The following MB21D2 variants were observed in gnomAD, a reference collection of about 807,000 sequenced individuals.
MB21D2 encodes Mab-21 domain containing 2, also known as nucleotidyltransferase MB21D2.
MB21D2 carries 9 observed loss-of-function variants against 33.3 expected under a neutral mutation model. The ratio of observed to expected loss-of-function variants is 0.27; its 90% CI spans 0.16 to 0.47. The LOEUF (loss-of-function observed/expected upper bound fraction) is 0.47, where lower values mean the gene tolerates loss of function less well. Among genes scored for constraint, MB21D2 ranks in the 20% least tolerant of loss-of-function variants. The pLI is 0.99. For missense variants in MB21D2, 540 were observed against 624.6 expected (o/e 0.86, Z 1.44); for synonymous variants, 241 against 236.3 (o/e 1.02, Z -0.18).
At chr3:192,831,707 T>C (rs1486919268) in intron 1 of MB21D2, among the ~76,000 whole-genome samples, 1 of 152,140 alleles carries the variant, frequency 6.6e-6, no homozygotes, top group Non-Finnish European at 1.5e-5. Flanking sequence ...CTACTATTAT[T>C]AGGGATGTAC....
chr3:192,820,852 A>C (rs1712035270), intron 1 of MB21D2, among the ~76,000 whole-genome samples: 1 of 151,844 alleles, frequency 6.6e-6, no homozygotes, highest in Admixed American at 6.6e-5. Flanking sequence ...CCAGCCTCAA[A>C]CTCTTGGGCT....
intron 1 of MB21D2, among the ~76,000 whole-genome samples, chr3:192,808,975 C>A (rs1019012950): frequency 1.3e-5 from 2 of 152,040 alleles, no homozygotes; most frequent in Non-Finnish European, 2.9e-5. Flanking sequence ...CATCTCATGA[C>A]AAGGACTCTC....
Position 192,798,223 on chromosome 3 carries a change from C to T in MB21D2, c.*163G>A. On this transcript the variant is annotated 3_prime_UTR_variant, in exon 2 of 2. Coordinates refer to ENST00000392452, the MANE Select transcript of MB21D2 (RefSeq NM_178496.4). The surrounding 1 kb of genome is among the most constrained non-coding windows in gnomAD (Gnocchi z 4.8). ...AGGCAGAATATGAAATAGTAATATA[C>T]TGTTTCAGAGCCTGCACCATCCTGC... 1.4e-6 allele frequency: 1 copy of T among 697,160 alleles called. No individual in the cohort carries two copies. The highest frequency in any genetic ancestry group is 2.0e-5 in the South Asian group (1 of 50,688). The allele number at this position is 697,160 out of a possible 1,614,324, so 43.2% of individuals were successfully genotyped here.
chr3:192,875,622 T>C (rs888316828), intron 1 of MB21D2, among the ~76,000 whole-genome samples: 7 of 152,222 alleles, frequency 4.6e-5, no homozygotes, highest in African/African-American at 7.2e-5. Flanking sequence ...CAAATATGCA[T>C]TTATATATTT....
intron 1 of MB21D2, among the ~76,000 whole-genome samples, chr3:192,887,333 G>C (rs373883243): frequency 1.3e-5 from 2 of 152,128 alleles, no homozygotes; most frequent in South Asian, 4.1e-4. Context: ...AGTGAAAATG[G>C]TATGTTCAAA....
intron 1 of MB21D2, among the ~76,000 whole-genome samples, chr3:192,835,840 G>A (rs1712425181): frequency 6.7e-6 from 1 of 150,362 alleles, no homozygotes; most frequent in Non-Finnish European, 1.5e-5. Flanking sequence ...AGAAAGATTG[G>A]GGGAAAAAAA....
At chr3:192,859,594 T>C (rs900079410) in intron 1 of MB21D2, among the ~76,000 whole-genome samples, 3 of 151,846 alleles carry the variant, frequency 2.0e-5, no homozygotes, top group African/African-American at 7.3e-5. Context: ...TGAGCAATGA[T>C]CTGTGTGTTT....
chr3:192,866,961 G>A (rs1022723205), intron 1 of MB21D2, among the ~76,000 whole-genome samples: 1 of 152,164 alleles, frequency 6.6e-6, no homozygotes, highest in African/African-American at 2.4e-5. Flanking sequence ...GAAGGGAGAA[G>A]GAATGGGGAA....
intron 1 of MB21D2, among the ~76,000 whole-genome samples, chr3:192,910,129 C>T (rs188796349): frequency 5.3e-5 from 8 of 151,078 alleles, no homozygotes; most frequent in Admixed American, 3.3e-4. Context: ...GTAAAATCCT[C>T]GGAGGTCACC....
intron 1 of MB21D2, among the ~76,000 whole-genome samples, chr3:192,803,661 T>C (rs1303689227): frequency 6.6e-6 from 1 of 152,190 alleles, no homozygotes; most frequent in Non-Finnish European, 1.5e-5. Flanking sequence ...GCAGATGGGT[T>C]GCCATGCAAC....
intron 1 of MB21D2, among the ~76,000 whole-genome samples, chr3:192,881,341 T>A (rs1160331005): frequency 1.3e-5 from 2 of 152,084 alleles, no homozygotes; most frequent in Admixed American, 1.3e-4. Flanking sequence ...GGCTAATGAC[T>A]GACTGGTTGC....
intron 1 of MB21D2, among the ~76,000 whole-genome samples, chr3:192,805,634 A>G (rs1396934481): frequency 3.3e-5 from 5 of 152,232 alleles, no homozygotes; most frequent in African/African-American, 4.8e-5. Flanking sequence ...TGGACTCAAC[A>G]TAGGCTTGGG....
At chr3:192,828,360 C>T (rs1240606015) in intron 1 of MB21D2, among the ~76,000 whole-genome samples, 4 of 151,232 alleles carry the variant, frequency 2.6e-5, no homozygotes, top group Non-Finnish European at 4.4e-5. Context: ...CACTTGAGTC[C>T]TACCTGGAGT....
intron 1 of MB21D2, among the ~76,000 whole-genome samples, chr3:192,853,344 A>C (rs1417086557): frequency 6.6e-6 from 1 of 152,202 alleles, no homozygotes; most frequent in Non-Finnish European, 1.5e-5. Flanking sequence ...TTCCGTGACA[A>C]ATGGTTTTTC....
At chr3:192,851,032 T>C (rs1712791309) in intron 1 of MB21D2, among the ~76,000 whole-genome samples, 1 of 152,248 alleles carries the variant, frequency 6.6e-6, no homozygotes, top group Non-Finnish European at 1.5e-5. Flanking sequence ...ACTGGCAATA[T>C]GGCAATAGTA....
intron 1 of MB21D2, among the ~76,000 whole-genome samples, chr3:192,898,413 T>C (rs1409927269): frequency 1.3e-5 from 2 of 148,814 alleles, no homozygotes; most frequent in Non-Finnish European, 2.9e-5. Context: ...ATAACTGGAC[T>C]AGACAATTTC....
intron 1 of MB21D2, among the ~76,000 whole-genome samples, chr3:192,908,580 A>G (rs1434235795): frequency 1.3e-5 from 2 of 151,518 alleles, no homozygotes; most frequent in African/African-American, 4.8e-5. Context: ...CGCCCAGCTA[A>G]TGTTTCGTAT....
rs112063646 is a variant in MB21D2, at chr3:192,803,405, T to C, written c.212-3755A>G. 3.2e-3 allele frequency among the ~76,000 whole-genome samples: 489 copies of C among 152,298 alleles called. 3 individuals are homozygous for C. The highest frequency in any genetic ancestry group is 0.011 in the African/African-American group (474 of 41,558). The stretch of plus-strand genomic sequence containing the variant: ...AAGCCCTTTAGTAGCAGAAAGAGTA[T>C]TGCAGACACACATTTACTAAGCCCC... On this transcript the variant is annotated intron_variant, in intron 1 of 1. Coordinates refer to ENST00000392452, the MANE Select transcript of MB21D2 (RefSeq NM_178496.4).
intron 1 of MB21D2, among the ~76,000 whole-genome samples, chr3:192,821,344 A>G (rs1330802362): frequency 1.3e-5 from 2 of 152,190 alleles, no homozygotes; most frequent in South Asian, 4.1e-4. Context: ...TTGACTCACA[A>G]ACATTTCATC....
Sources: gnomAD v4.1 joint callset for allele counts (sites outside exome capture counted in the v4.1 genomes callset) on GRCh38, gnomAD v4.1.1 for gene constraint, Gnocchi (gnomAD v3.1) non-coding constraint, MANE v1.5 for transcripts, NCBI Gene and HGNC (gene_info 2026-07-23, HGNC 2026-07-21) for gene names.